Variants in COL15A1 observed in about 807,000 individuals in gnomAD.
COL15A1 encodes the protein collagen alpha-1(XV) chain.
Under a neutral mutation model 165.9 loss-of-function variants are expected in COL15A1, and 111 were observed. That is an observed-to-expected ratio of 0.67 (90% CI 0.57 to 0.78). COL15A1 has a LOEUF of 0.78. Among genes scored for constraint, COL15A1 ranks in the 30% least tolerant of loss-of-function variants. The probability of loss-of-function intolerance (pLI) is 0.00; values close to 1 mark genes in which losing one functional copy is unlikely to be tolerated. For missense variants in COL15A1, 1,745 were observed against 1,789.7 expected (o/e 0.98, Z 0.45); for synonymous variants, 659 against 674.8 (o/e 0.98, Z 0.36).
chr9:99,068,055 C>G (rs867422595), intron 40 of COL15A1, among the ~76,000 whole-genome samples: 4 of 152,140 alleles, frequency 2.6e-5, no homozygotes, highest in Non-Finnish European at 5.9e-5. Context: ...AAAGCAAAAG[C>G]GTTCATGGAT....
At chr9:99,053,856 T>TC (rs1406530354) in intron 31 of COL15A1, among the ~76,000 whole-genome samples, 1 of 152,200 alleles carries the variant, frequency 6.6e-6, no homozygotes, top group African/African-American at 2.4e-5. Flanking sequence ...GGTGGGTTGA[T>TC]CTGTCACACC....
At chr9:99,021,308 G>C (rs1401967888) in intron 12 of COL15A1, among the ~76,000 whole-genome samples, 3 of 152,156 alleles carry the variant, frequency 2.0e-5, no homozygotes, top group Admixed American at 6.5e-5. Flanking sequence ...GGGGAGGGCG[G>C]TGTCCTCACT....
In COL15A1 at chr9:98,997,101, C is replaced by A. The variant is rs761101125; in HGVS notation, c.952+20C>A. 18 of 1,613,750 alleles carry A rather than the reference C, an allele frequency of 1.1e-5. No homozygotes were observed. The highest frequency in any genetic ancestry group is 1.7e-5 in the Admixed American group (1 of 59,994). On this transcript the variant is annotated intron_variant, in intron 6 of 41. Transcript: ENST00000375001. The stretch of plus-strand genomic sequence containing the variant: ...AACAAGGCAAGTCCGGATGCACATG[C>A]CTACGTAGTGGCCTTTTATTGGGTG...
chr9:99,037,352 A>G (rs1023867829), intron 21 of COL15A1, among the ~76,000 whole-genome samples: 6 of 152,136 alleles, frequency 3.9e-5, no homozygotes, highest in Non-Finnish European at 7.3e-5. Context: ...CTCTATTCCT[A>G]TGATAAATAC....
rs1200229146 is a variant in COL15A1, at chr9:99,069,731, T to C, written c.4012T>C (p.Tyr1338His). 1 of 1,614,222 alleles carries C rather than the reference T, an allele frequency of 6.2e-7. No homozygotes were observed. Among genetic ancestry groups the C allele is most frequent in the Admixed American group, 1.7e-5 (1 of 60,028 alleles). The change falls in exon 42 of 42, where the codon TAC becomes CAC. Residue 1338 changes from tyrosine to histidine, a missense_variant. By Grantham distance (83) the Tyr-to-His change is moderately conservative. Coordinates refer to ENST00000375001, the MANE Select transcript of COL15A1 (RefSeq NM_001855.5). ...CCATGGCGTCCGCCTTGTGGATAAC[T>C]ACTGTGAAGCATGGCGAACCGCGGA... ...SPHGVRLVDN[Y>H]CEAWRTADTA...
chr9:99,003,914 G>T (rs1838709627), intron 8 of COL15A1, among the ~76,000 whole-genome samples: 1 of 152,168 alleles, frequency 6.6e-6, no homozygotes, highest in Non-Finnish European at 1.5e-5. Context: ...AAGGGGCCCA[G>T]AGCCCAGACT....
At chr9:99,042,470 A>C (rs1353105554) in intron 24 of COL15A1, among the ~76,000 whole-genome samples, 3 of 151,818 alleles carry the variant, frequency 2.0e-5, no homozygotes, top group African/African-American at 7.3e-5. Flanking sequence ...TCAACTCAAC[A>C]CTCCTTTGTT....
chr9:99,027,523 C>T (rs533956413), intron 16 of COL15A1, among the ~76,000 whole-genome samples: 207 of 152,222 alleles, frequency 1.4e-3, no homozygotes, highest in Middle Eastern at 6.8e-3. Flanking sequence ...CTCTTCTTAC[C>T]TGTTCTTCTT....
At chr9:98,944,109 C>A in intron 1 of COL15A1, 37 bp downstream of exon 1, 1 of 1,614,140 alleles carries the variant, frequency 6.2e-7, no homozygotes, top group Non-Finnish European at 8.5e-7. Context: ...CGTCCCGGGC[C>A]CCTCCAATAC....
intron 24 of COL15A1, among the ~76,000 whole-genome samples, chr9:99,042,355 G>T (rs369823224): frequency 6.6e-6 from 1 of 152,146 alleles, no homozygotes; most frequent in Non-Finnish European, 1.5e-5. Flanking sequence ...CTTATTAGCG[G>T]TCACTCTCCA....
intron 14 of COL15A1, among the ~76,000 whole-genome samples, 188 bp downstream of exon 14, chr9:99,023,637 A>G (rs1444812685): frequency 6.6e-6 from 1 of 152,122 alleles, no homozygotes; most frequent in Non-Finnish European, 1.5e-5. Flanking sequence ...GTTCACTTTG[A>G]TCAGTTGCAT....
intron 6 of COL15A1, among the ~76,000 whole-genome samples, chr9:99,000,468 T>C (rs1178840683): frequency 6.6e-6 from 1 of 152,088 alleles, no homozygotes; most frequent in African/African-American, 2.4e-5. Context: ...ATATCAACAA[T>C]GAACATTTAT....
chr9:98,974,277 C>T (rs1474715620), intron 2 of COL15A1, among the ~76,000 whole-genome samples: 1 of 152,152 alleles, frequency 6.6e-6, no homozygotes, highest in African/African-American at 2.4e-5. Context: ...GGAAGCTCCT[C>T]CCCAGGTGGT....
chr9:99,018,371 A>C (rs1019108439), intron 11 of COL15A1, among the ~76,000 whole-genome samples: 4 of 152,070 alleles, frequency 2.6e-5, no homozygotes, highest in African/African-American at 9.7e-5. Context: ...CAGCTTTGAG[A>C]AGTCAGTCTG....
chr9:99,069,534 G>T lies in COL15A1; in HGVS notation c.3954-139G>T, dbSNP rs928960857. On this transcript the variant is annotated intron_variant, in intron 41 of 41. Coordinates refer to ENST00000375001, the MANE Select transcript of COL15A1 (RefSeq NM_001855.5). Reference sequence around the variant, plus strand: ...TAGTGTGTTAAGAAAGCTAGCAAGGGCAATGAGGATAGAGAAGTGATTTGG... The same window carrying T: ...TAGTGTGTTAAGAAAGCTAGCAAGGTCAATGAGGATAGAGAAGTGATTTGG... The T allele has an allele frequency of 1.6e-5, 17 of 1,096,236 alleles. No homozygotes were observed. The African/African-American group carries it at 2.7e-4, about 17-fold the overall frequency. 67.9% of individuals were successfully genotyped at this position (1,096,236 alleles called of 1,614,324 possible).
chr9:98,963,844 C>A (rs879285384), intron 2 of COL15A1, among the ~76,000 whole-genome samples: 1 of 152,200 alleles, frequency 6.6e-6, no homozygotes, highest in Non-Finnish European at 1.5e-5. Context: ...AAGTTAAGGT[C>A]ATGCCCATCC....
intron 11 of COL15A1, among the ~76,000 whole-genome samples, chr9:99,018,610 G>A (rs58976309): frequency 0.02 from 2,978 of 152,186 alleles, 92 homozygotes; most frequent in African/African-American, 0.069. Context: ...GAAAAATTGG[G>A]CATAATTTAA....
In COL15A1 at chr9:99,054,608, C is replaced by T. The variant is rs1820556954; in HGVS notation, c.2983C>T (p.Pro995Ser). The T allele has an allele frequency of 6.2e-7, 1 of 1,613,278 alleles. No individual in the cohort carries two copies. The highest frequency in any genetic ancestry group is 8.5e-7 in the Non-Finnish European group (1 of 1,179,692). ...VKGEKGSWGL[P>S]GSKGEKGDQG... ...AGGAGAGAAAGGATCCTGGGGTCTT[C>T]CTGGCTCAAAGGGAGAAAAAGGCGA... The change falls in exon 32 of 42, where the codon CCT becomes TCT. Residue 995 changes from proline to serine, a missense_variant. Physicochemically the swap from Pro to Ser is moderately conservative, Grantham distance 74 (BLOSUM62 -1). Coordinates refer to ENST00000375001, the MANE Select transcript of COL15A1 (RefSeq NM_001855.5).
chr9:99,006,918 T>C lies in COL15A1; in HGVS notation c.1353+1868T>C, dbSNP rs528292336. ...TCTCAGTCAATTTTGGAAGTTTATT[T>C]TGCCAGGGTTAAGGATGCACCTGTG... is the stretch of plus-strand genomic sequence containing the variant. On this transcript the variant is annotated intron_variant, in intron 9 of 41. Transcript: ENST00000375001. Among the ~76,000 whole-genome samples, 6 of 152,344 alleles carry C rather than the reference T, an allele frequency of 3.9e-5. No homozygotes were observed. In the East Asian group the frequency reaches 9.6e-4, roughly 24 times the overall value.
Sources: allele counts gnomAD v4.1 joint callset (sites outside exome capture counted in the v4.1 genomes callset), GRCh38; gene constraint gnomAD v4.1.1; transcripts MANE v1.5; gene names NCBI Gene and HGNC (gene_info 2026-07-23, HGNC 2026-07-21).